SBF2: variants seen among roughly 807,000 people sequenced by gnomAD.
SBF2 encodes SET binding factor 2.
A neutral mutation model predicts 225.2 loss-of-function variants in SBF2; 112 were observed. The ratio of observed to expected loss-of-function variants is 0.50; its 90% CI spans 0.43 to 0.58. SBF2 has a LOEUF of 0.58. Among genes scored for constraint, SBF2 ranks in the 20% least tolerant of loss-of-function variants. The pLI is 0.00. For missense variants in SBF2, 1,996 were observed against 2,206.2 expected (o/e 0.90, Z 1.91); for synonymous variants, 763 against 773.3 (o/e 0.99, Z 0.22).
At chr11:10,190,010 G>A (rs1344203199) in intron 2 of SBF2, among the ~76,000 whole-genome samples, 1 of 152,098 alleles carries the variant, frequency 6.6e-6, no homozygotes, top group Non-Finnish European at 1.5e-5. Flanking sequence ...AATTAGCCAG[G>A]TGTGGTGGCA....
At chr11:9,850,409 C>A (rs1219103389) in intron 21 of SBF2, among the ~76,000 whole-genome samples, 191 bp from the exon 22 acceptor site, 2 of 152,132 alleles carry the variant, frequency 1.3e-5, no homozygotes, top group Non-Finnish European at 2.9e-5. Flanking sequence ...GCATGCACCA[C>A]TATGCCTGGC....
At chr11:9,786,752 A>G (rs1242970039) in intron 36 of SBF2, among the ~76,000 whole-genome samples, 1 of 152,196 alleles carries the variant, frequency 6.6e-6, no homozygotes, top group East Asian at 1.9e-4. Flanking sequence ...ATTCCCTCAC[A>G]GTGGATTAAA....
intron 26 of SBF2, chr11:9,838,183 T>C (rs1190996825): frequency 6.6e-6 from 1 of 152,180 alleles, no homozygotes; most frequent in Non-Finnish European, 1.5e-5. Context: ...ATTTGTTCTA[T>C]GTCCCCTTTT....
intron 2 of SBF2, among the ~76,000 whole-genome samples, chr11:10,155,971 G>T (rs1012907098): frequency 5.9e-4 from 90 of 152,304 alleles, no homozygotes; most frequent in Middle Eastern, 3.4e-3. Context: ...GAGCCCACGG[G>T]GGTGGGACAG....
chr11:10,196,952 A>G (rs1202497360), intron 1 of SBF2, among the ~76,000 whole-genome samples: 3 of 150,054 alleles, frequency 2.0e-5, no homozygotes, highest in Non-Finnish European at 3.0e-5. Context: ...AGGGCCTTAA[A>G]TGTTGTTGAA....
intron 2 of SBF2, among the ~76,000 whole-genome samples, chr11:10,096,172 T>A (rs181785472): frequency 6.6e-6 from 1 of 152,134 alleles, no homozygotes; most frequent in Non-Finnish European, 1.5e-5. Flanking sequence ...GCTAAATAGA[T>A]GCTAGAGGTT....
chr11:9,785,444 G>C, intron 36 of SBF2, 126 bp from the exon 37 acceptor site: 1 of 779,542 alleles, frequency 1.3e-6, no homozygotes, highest in African/African-American at 1.7e-5. Context: ...AATGTACAAA[G>C]GTATCAATCT....
intron 2 of SBF2, among the ~76,000 whole-genome samples, chr11:10,151,025 A>G (rs1405841580): frequency 1.3e-5 from 2 of 152,212 alleles, no homozygotes; most frequent in Admixed American, 6.5e-5. Flanking sequence ...AGACTCCTAA[A>G]AAAGTAGAAG....
chr11:10,087,133 C>T (rs1163708801), intron 2 of SBF2, among the ~76,000 whole-genome samples: 1 of 151,424 alleles, frequency 6.6e-6, no homozygotes, highest in East Asian at 2.0e-4. Context: ...TAGGTCGGAC[C>T]TTGCACTTAA....
chr11:9,969,925 C>T (rs1332904277), intron 13 of SBF2, among the ~76,000 whole-genome samples: 1 of 152,180 alleles, frequency 6.6e-6, no homozygotes, highest in African/African-American at 2.4e-5. Context: ...CAATGCTGAA[C>T]ACACATAAGG....
intron 2 of SBF2, among the ~76,000 whole-genome samples, chr11:10,085,949 G>A (rs1054139010): frequency 8.6e-5 from 13 of 150,924 alleles, no homozygotes; most frequent in African/African-American, 2.7e-4. Context: ...TTAATAGTAT[G>A]TCAGCTGTCC....
At chr11:9,982,823 A>C (rs1455830960) in intron 13 of SBF2, among the ~76,000 whole-genome samples, 1 of 152,206 alleles carries the variant, frequency 6.6e-6, no homozygotes. Flanking sequence ...GAGAAGCTGA[A>C]GGTCTGTTTG....
chr11:9,996,544 C>T (rs891766889), intron 9 of SBF2, among the ~76,000 whole-genome samples: 2 of 152,098 alleles, frequency 1.3e-5, no homozygotes, highest in Admixed American at 1.3e-4. Flanking sequence ...CGTGCGCCAC[C>T]ACGCCCAGCT....
chr11:9,873,560 A>G (rs1245366302), intron 17 of SBF2, among the ~76,000 whole-genome samples: 1 of 152,204 alleles, frequency 6.6e-6, no homozygotes, highest in Non-Finnish European at 1.5e-5. Flanking sequence ...AAACCCACAT[A>G]GGCAGACATA....
At chr11:9,782,409 A>G (rs1021160030) in intron 38 of SBF2, among the ~76,000 whole-genome samples, 11 of 152,216 alleles carry the variant, frequency 7.2e-5, no homozygotes, top group African/African-American at 2.4e-4. Context: ...ATAAATGACA[A>G]TAAATGAGAT....
intron 1 of SBF2, among the ~76,000 whole-genome samples, chr11:10,231,385 T>G (rs191215332): frequency 7.9e-5 from 12 of 152,344 alleles, no homozygotes; most frequent in African/African-American, 2.2e-4. Flanking sequence ...AGAAGCGCTC[T>G]GATTTTTAGA....
intron 2 of SBF2, among the ~76,000 whole-genome samples, chr11:10,057,916 C>T (rs1002026537): frequency 6.6e-6 from 1 of 152,110 alleles, no homozygotes; most frequent in Non-Finnish European, 1.5e-5. Context: ...CTAACATATC[C>T]CCCTCTAAAA....
rs1159068956 is a variant in SBF2 at position 9,828,300 on chromosome 11, G to GTATA, written c.3793+1055_3793+1056insTATA. The GTATA allele has an allele frequency of 4.0e-6, 5 of 1,245,762 alleles. No homozygotes were observed. The Admixed American group carries it at 8.0e-5, about 20-fold the overall frequency. 77.2% of individuals were successfully genotyped at this position (1,245,762 alleles called of 1,614,324 possible). On this transcript the variant is annotated intron_variant, in intron 28 of 39. Transcript: ENST00000256190. ...TCAAATGACAAAAAGTTATCTTCAG[G>GTATA]TGTAGCATGTTTAACTGCTGCCAAA...
At chr11:10,297,744 G>A (rs1014293666), upstream of SBF2, among the ~76,000 whole-genome samples, 13 of 152,330 alleles carry the variant, frequency 8.5e-5, no homozygotes, top group African/African-American at 2.9e-4. Context: ...ATTTGCAAAT[G>A]CCCATTTTGT....
Sources: gnomAD v4.1 joint callset for allele counts (sites outside exome capture counted in the v4.1 genomes callset) on GRCh38, gnomAD v4.1.1 for gene constraint, MANE v1.5 for transcripts, NCBI Gene and HGNC (gene_info 2026-07-23, HGNC 2026-07-21) for gene names.